Variants in HEPACAM observed in about 807,000 individuals in gnomAD.
The protein encoded by HEPACAM is hepatocyte cell adhesion molecule.
In HEPACAM, 18 loss-of-function variants were observed where a neutral mutation model predicts 38.3. The observed-to-expected ratio is 0.47, with a 90% CI of 0.33 to 0.70. The LOEUF is 0.70. Among genes scored for constraint, HEPACAM ranks in the 30% least tolerant of loss-of-function variants. The pLI is 0.03. For synonymous variants in HEPACAM, 216 were observed against 243.1 expected, an observed-to-expected ratio of 0.89 and a Z score of 1.04; for missense variants, 466 against 563.0, an observed-to-expected ratio of 0.83 and a Z score of 1.74.
Position 124,921,062 on chromosome 11 carries a change from G to A in HEPACAM, c.*76C>T, listed in dbSNP as rs1947126738. The A allele has an allele frequency of 2.5e-5, 37 of 1,474,206 alleles. No homozygotes were observed. The highest frequency in any genetic ancestry group is 3.0e-5 in the Non-Finnish European group (33 of 1,117,004). The allele number at this position is 1,474,206 out of a possible 1,614,324, so 91.3% of individuals were successfully genotyped here. ...CCCTCGTCCCCAGCGCGCCGCGCCC[G>A]GGCTTCCCAGCCCCAGCTTTCCCCC... On this transcript the variant is annotated 3_prime_UTR_variant, in exon 7 of 7. Transcript: ENST00000298251. The surrounding 1 kb of genome is among the most constrained non-coding windows in gnomAD (Gnocchi z 4.6).
intron 1 of HEPACAM, among the ~76,000 whole-genome samples, chr11:124,925,429 T>A (rs1947195868): frequency 1.3e-5 from 2 of 152,250 alleles, no homozygotes; most frequent in South Asian, 4.1e-4. Context: ...TCTATGTCTT[T>A]AGGATATAGC....
chr11:124,922,485 T>C, intron 5 of HEPACAM, 27 bp from the exon 6 acceptor site: 1 of 1,613,324 alleles, frequency 6.2e-7, no homozygotes, highest in Non-Finnish European at 8.5e-7. Context: ...AGCGGGTGGC[T>C]GGCCCAGGTA....
Position 124,924,673 on chromosome 11 carries a change from C to A in HEPACAM, c.427+55G>T, listed in dbSNP as rs1947183757. The A allele has an allele frequency of 2.7e-6, 4 of 1,497,438 alleles. No individual in the cohort carries two copies. Among genetic ancestry groups the A allele is most frequent in the Admixed American group, 1.7e-5 (1 of 59,392 alleles). 92.8% of individuals were successfully genotyped at this position (1,497,438 alleles called of 1,614,324 possible). On this transcript the variant is annotated intron_variant, in intron 2 of 6. Transcript: ENST00000298251. This position sits in a 1 kb window ranked among gnomAD's most constrained non-coding sequence, Gnocchi z 4.4. Reference sequence around the variant, plus strand: ...CAGTCTAGCTGGTGCGCTGGGCAGACCTTTCCCTAGTCCCACCTGCCAGTC... The same window carrying A: ...CAGTCTAGCTGGTGCGCTGGGCAGAACTTTCCCTAGTCCCACCTGCCAGTC...
In HEPACAM at chr11:124,923,712, C is replaced by T; in HGVS notation, c.709+17G>A. The T allele has an allele frequency of 1.2e-6, 2 of 1,613,978 alleles. No homozygotes were observed. Among genetic ancestry groups the T allele is most frequent in the Non-Finnish European group, 1.7e-6 (2 of 1,179,996 alleles). Reference sequence around the variant, plus strand: ...TGGGGCTTTGAGTACTAAAGGAAAGCCTGCGGGGAAACTCACTGTATACGG... The same window carrying T: ...TGGGGCTTTGAGTACTAAAGGAAAGTCTGCGGGGAAACTCACTGTATACGG... On this transcript the variant is annotated intron_variant, in intron 3 of 6. Coordinates refer to ENST00000298251, the MANE Select transcript of HEPACAM (RefSeq NM_152722.5).
chr11:124,930,060 A>G (rs1489455126), intron 1 of HEPACAM, among the ~76,000 whole-genome samples: 1 of 152,022 alleles, frequency 6.6e-6, no homozygotes, highest in Non-Finnish European at 1.5e-5. Context: ...TGGGTCTGTC[A>G]CCATAAAAAA....
Position 124,920,639 on chromosome 11 carries a change from T to TGTG in HEPACAM, c.*496_*498dup. On this transcript the variant is annotated 3_prime_UTR_variant, in exon 7 of 7. Transcript: ENST00000298251. ...TGGCTTCTCCTTAGCTTAGTGCAGC[T>TGTG]GTGGATTCTGGGAAAGTGGCCTCTC... The TGTG allele has an allele frequency of 1.0e-6, 1 of 1,004,194 alleles. No individual in the cohort carries two copies. Among genetic ancestry groups the TGTG allele is most frequent in the Non-Finnish European group, 1.2e-6 (1 of 845,616 alleles). 62.2% of individuals were successfully genotyped at this position (1,004,194 alleles called of 1,614,324 possible). A position where few individuals can be genotyped will look rare whatever the true frequency, so the allele number is the denominator to read the frequency against.
chr11:124,928,780 G>A (rs984889995), intron 1 of HEPACAM, among the ~76,000 whole-genome samples: 10 of 152,116 alleles, frequency 6.6e-5, no homozygotes, highest in Non-Finnish European at 1.0e-4. Context: ...CCATCTTTCC[G>A]GACCGAACCA....
At chr11:124,926,244 T>C (rs1195025743) in intron 1 of HEPACAM, among the ~76,000 whole-genome samples, 3 of 152,142 alleles carry the variant, frequency 2.0e-5, no homozygotes, top group Non-Finnish European at 4.4e-5. Flanking sequence ...AACTGCCTTA[T>C]CAAGTTCACA....
Position 124,919,652 on chromosome 11 carries a change from A to T in HEPACAM, c.*1486T>A, listed in dbSNP as rs1176206688. 1 of 1,371,858 alleles carries T rather than the reference A, an allele frequency of 7.3e-7. No individual in the cohort carries two copies. 85.0% of individuals were successfully genotyped at this position (1,371,858 alleles called of 1,614,324 possible). A position where few individuals can be genotyped will look rare whatever the true frequency, so the allele number is the denominator to read the frequency against. ...CCTGGGGAAGTGCCGAGGGACAGGGAGCTGAGACAGGCATGCTGTGGGGTT... is the reference window on the plus strand; with the variant it reads ...CCTGGGGAAGTGCCGAGGGACAGGGTGCTGAGACAGGCATGCTGTGGGGTT... On this transcript the variant is annotated 3_prime_UTR_variant, in exon 7 of 7. Coordinates refer to ENST00000298251, the MANE Select transcript of HEPACAM (RefSeq NM_152722.5).
rs1417743340 is a variant in HEPACAM at position 124,921,234 on chromosome 11, G to C, written c.1155C>G (p.Pro385=). 18 of 1,467,206 alleles carry C rather than the reference G, an allele frequency of 1.2e-5. No individual in the cohort carries two copies. The highest frequency in any genetic ancestry group is 1.3e-5 in the Non-Finnish European group (15 of 1,115,440). 90.9% of individuals were successfully genotyped at this position (1,467,206 alleles called of 1,614,324 possible). A position where few individuals can be genotyped will look rare whatever the true frequency, so the allele number is the denominator to read the frequency against. The part of the protein sequence containing the change: ...HSSPPRAPSS[P]GRSRSASRTL... Reference sequence around the variant, plus strand: ...TGCGCGAGGCGCTGCGCGAGCGGCCGGGCGAGCTCGGGGCCCTGGGCGGCG... The same window carrying C: ...TGCGCGAGGCGCTGCGCGAGCGGCCCGGCGAGCTCGGGGCCCTGGGCGGCG... The change falls in exon 7 of 7, where the codon CCC becomes CCG. Residue 385 remains proline, a synonymous_variant. Transcript: ENST00000298251. The surrounding 1 kb of genome is among the most constrained non-coding windows in gnomAD (Gnocchi z 4.6).
intron 5 of HEPACAM, 77 bp from the exon 6 acceptor site, chr11:124,922,535 C>T (rs1214414216): frequency 1.9e-6 from 3 of 1,594,164 alleles, no homozygotes; most frequent in Admixed American, 1.7e-5. Flanking sequence ...CTCTGTGCTT[C>T]CCGAATGGCC....
chr11:124,924,649 A>T lies in HEPACAM; in HGVS notation c.427+79T>A. Reference sequence around the variant, plus strand: ...GTGCCTTTTGGGTTGGTTTTCCCTCAGTCTAGCTGGTGCGCTGGGCAGACC... The same window carrying T: ...GTGCCTTTTGGGTTGGTTTTCCCTCTGTCTAGCTGGTGCGCTGGGCAGACC... On this transcript the variant is annotated intron_variant, in intron 2 of 6. Coordinates refer to ENST00000298251, the MANE Select transcript of HEPACAM (RefSeq NM_152722.5). The surrounding 1 kb of genome is among the most constrained non-coding windows in gnomAD (Gnocchi z 4.4). 7.4e-7 allele frequency: 1 copy of T among 1,350,828 alleles called. No individual in the cohort carries two copies. The highest frequency in any genetic ancestry group is 1.7e-5 in the Admixed American group (1 of 59,208). 83.7% of individuals were successfully genotyped at this position (1,350,828 alleles called of 1,614,324 possible). A position where few individuals can be genotyped will look rare whatever the true frequency, so the allele number is the denominator to read the frequency against.
At chr11:124,928,785 G>A (rs113657186) in intron 1 of HEPACAM, among the ~76,000 whole-genome samples, 1,939 of 152,264 alleles carry the variant, frequency 0.013, 42 homozygotes, top group African/African-American at 0.044. Flanking sequence ...TTTCCGGACC[G>A]AACCAACATT....
chr11:124,932,907 C>A (rs539253791), intron 1 of HEPACAM, among the ~76,000 whole-genome samples: 2 of 152,286 alleles, frequency 1.3e-5, no homozygotes, highest in East Asian at 3.9e-4. Flanking sequence ...CCCTGAAAAA[C>A]TTCATAGAGT....
rs1947109899 is a variant in HEPACAM, at chr11:124,920,315, G to A, written c.*823C>T. ...TCATTTGGTCTAGTTTTCGGGCCAG[G>A]GGAGTAAGTGAAATTCACTTCTCTA... On this transcript the variant is annotated 3_prime_UTR_variant, in exon 7 of 7. Coordinates refer to ENST00000298251, the MANE Select transcript of HEPACAM (RefSeq NM_152722.5). The A allele has an allele frequency of 7.4e-7, 1 of 1,358,646 alleles. No individual in the cohort carries two copies. Among genetic ancestry groups the A allele is most frequent in the Non-Finnish European group, 1.0e-6 (1 of 989,382 alleles). The allele number at this position is 1,358,646 out of a possible 1,614,324, so 84.2% of individuals were successfully genotyped here. A position where few individuals can be genotyped will look rare whatever the true frequency, so the allele number is the denominator to read the frequency against.
chr11:124,924,054 AG>A lies in HEPACAM; in HGVS notation c.428-45del. ...GGAGCCTGTAAGTCATTGGCTAAGA[AG>A]TGTCTCCCTTCCCCTTTTTAGCTCC... On this transcript the variant is annotated intron_variant, in intron 2 of 6. Coordinates refer to ENST00000298251, the MANE Select transcript of HEPACAM (RefSeq NM_152722.5). The surrounding 1 kb of genome is among the most constrained non-coding windows in gnomAD (Gnocchi z 4.4). The A allele has an allele frequency of 6.4e-7, 1 of 1,567,782 alleles. No individual in the cohort carries two copies. The highest frequency in any genetic ancestry group is 8.6e-7 in the Non-Finnish European group (1 of 1,160,738).
chr11:124,923,906 A>G lies in HEPACAM; in HGVS notation c.532T>C (p.Tyr178His). 6.2e-7 allele frequency: 1 copy of G among 1,613,688 alleles called. No individual in the cohort carries two copies. The highest frequency in any genetic ancestry group is 8.5e-7 in the Non-Finnish European group (1 of 1,180,014). Reference protein sequence around the residue: ...CSHENGTKPSYTWLKDGKPLL... With the variant: ...CSHENGTKPSHTWLKDGKPLL... Reference sequence around the variant, plus strand: ...GGCTTGCCATCCTTCAGCCAGGTGTAGCTGGGCTTGGTGCCATTCTCATGT... The same window carrying G: ...GGCTTGCCATCCTTCAGCCAGGTGTGGCTGGGCTTGGTGCCATTCTCATGT... Residue 178 changes from tyrosine to histidine, a missense_variant, in exon 3 of 7, where the codon TAC becomes CAC. Transcript: ENST00000298251.
Position 124,920,276 on chromosome 11 carries a change from G to A in HEPACAM, c.*862C>T. 2 of 1,029,658 alleles carry A rather than the reference G, an allele frequency of 1.9e-6. No homozygotes were observed. Among genetic ancestry groups the A allele is most frequent in the Non-Finnish European group, 2.8e-6 (2 of 705,304 alleles). 63.8% of individuals were successfully genotyped at this position (1,029,658 alleles called of 1,614,324 possible). A position where few individuals can be genotyped will look rare whatever the true frequency, so the allele number is the denominator to read the frequency against. ...CAGGAGGAATATATGAGTTTGATGA[G>A]CTAAAACAGTTCCTCATTTGGTCTA... On this transcript the variant is annotated 3_prime_UTR_variant, in exon 7 of 7. Transcript: ENST00000298251.
chr11:124,927,523 G>GTTTTTTTTTTTTTTTT (rs1019070666), intron 1 of HEPACAM, among the ~76,000 whole-genome samples: 18 of 97,580 alleles, frequency 1.8e-4, no homozygotes, highest in South Asian at 4.2e-4. Flanking sequence ...TTTTTTTTTT[G>GTTTTTTTTTTTTTTTT]TTTTTTTTTT....
Sources: gnomAD v4.1 joint callset for allele counts (sites outside exome capture counted in the v4.1 genomes callset) on GRCh38, gnomAD v4.1.1 for gene constraint, Gnocchi (gnomAD v3.1) non-coding constraint, MANE v1.5 for transcripts, NCBI Gene and HGNC (gene_info 2026-07-23, HGNC 2026-07-21) for gene names.